Variants in CCDC88A observed in about 807,000 individuals in gnomAD.
CCDC88A encodes girdin.
CCDC88A carries 54 observed loss-of-function variants against 234.3 expected under a neutral mutation model. The observed-to-expected ratio is 0.23, with a 90% CI of 0.19 to 0.29. The LOEUF (loss-of-function observed/expected upper bound fraction) is 0.29, where lower values mean the gene tolerates loss of function less well. CCDC88A is among the 10% of genes least tolerant of loss of function. The pLI, the probability that CCDC88A is intolerant of heterozygous loss-of-function variation, is 1.00. For synonymous variants in CCDC88A, 753 were observed against 737.8 expected, an observed-to-expected ratio of 1.02 and a Z score of -0.33; for missense variants, 1,832 against 2,123.4, an observed-to-expected ratio of 0.86 and a Z score of 2.70.
chr2:55,354,340 A>G (rs1458089184), intron 8 of CCDC88A, among the ~76,000 whole-genome samples: 1 of 152,082 alleles, frequency 6.6e-6, no homozygotes, highest in East Asian at 1.9e-4. Flanking sequence ...CATGTTGGCC[A>G]GGCTGGTCTT....
intron 31 of CCDC88A, chr2:55,295,181 A>T: frequency 7.6e-7 from 1 of 1,311,334 alleles, no homozygotes; most frequent in Non-Finnish European, 1.0e-6. Flanking sequence ...TATTTATAGA[A>T]AACTGTAGGT....
chr2:55,380,651 T>C (rs1674440940), intron 3 of CCDC88A, among the ~76,000 whole-genome samples: 1 of 152,214 alleles, frequency 6.6e-6, no homozygotes, highest in South Asian at 2.1e-4. Flanking sequence ...AGTCTTGCTC[T>C]GTCACCCAGG....
chr2:55,389,997 C>A (rs1361427458), intron 2 of CCDC88A, among the ~76,000 whole-genome samples: 5 of 128,528 alleles, frequency 3.9e-5, no homozygotes, highest in African/African-American at 1.5e-4. Context: ...GCCAGGATCG[C>A]ACCACTGCAC....
At chr2:55,352,216 G>A (rs1196571428) in intron 8 of CCDC88A, among the ~76,000 whole-genome samples, 1 of 151,974 alleles carries the variant, frequency 6.6e-6, no homozygotes, top group Non-Finnish European at 1.5e-5. Flanking sequence ...TGGATCAGAA[G>A]GTCGGGAGCT....
At chr2:55,333,475 T>C (rs1056642138) in intron 15 of CCDC88A, among the ~76,000 whole-genome samples, 2 of 152,168 alleles carry the variant, frequency 1.3e-5, no homozygotes, top group Non-Finnish European at 2.9e-5. Flanking sequence ...ATTCTCTGGC[T>C]TTGAGGTCAA....
chr2:55,360,214 G>A (rs1198960501), intron 7 of CCDC88A, among the ~76,000 whole-genome samples: 7 of 152,200 alleles, frequency 4.6e-5, no homozygotes, highest in South Asian at 2.1e-4. Context: ...TTAAGAATAC[G>A]AAAGAGAAAT....
intron 31 of CCDC88A, chr2:55,292,547 A>T (rs1299524774): frequency 6.6e-6 from 1 of 152,220 alleles, no homozygotes; most frequent in Admixed American, 6.5e-5. Flanking sequence ...TTTCACCACT[A>T]AAAATTTGAT....
At chr2:55,318,519 A>T (rs1307210031) in intron 19 of CCDC88A, among the ~76,000 whole-genome samples, 1 of 152,176 alleles carries the variant, frequency 6.6e-6, no homozygotes, top group Non-Finnish European at 1.5e-5. Flanking sequence ...TGACAAAAAA[A>T]AGCTATACAA....
At chr2:55,361,134 AT>A (rs1218859621) in intron 7 of CCDC88A, among the ~76,000 whole-genome samples, 3 of 152,154 alleles carry the variant, frequency 2.0e-5, no homozygotes, top group African/African-American at 7.2e-5. Flanking sequence ...AAACCAAAGT[AT>A]AGATTTTTAG....
intron 2 of CCDC88A, among the ~76,000 whole-genome samples, chr2:55,410,186 T>C (rs562455836): frequency 2.2e-4 from 33 of 152,312 alleles, no homozygotes; most frequent in African/African-American, 7.2e-4. Context: ...GTGTACACCC[T>C]TGGGCCAAGG....
rs1167023696 is a variant in CCDC88A, at chr2:55,287,948, TTAAAAA to T, written c.*3246_*3251del. 5 of 152,776 alleles carry T rather than the reference TTAAAAA, an allele frequency of 3.3e-5. No homozygotes were observed. In the East Asian group the frequency reaches 9.6e-4, roughly 29 times the overall value. The allele number at this position is 152,776 out of a possible 1,614,324, so 9.5% of individuals were successfully genotyped here. The stretch of plus-strand genomic sequence containing the variant: ...GGAGAAACAAAATGAAAAATGTTTT[TTAAAAA>T]ACAAACAGTGGTATCTCTTGTCATG... On this transcript the variant is annotated 3_prime_UTR_variant, in exon 33 of 33. Coordinates refer to ENST00000436346, the MANE Select transcript of CCDC88A (RefSeq NM_001365480.1).
intron 2 of CCDC88A, among the ~76,000 whole-genome samples, chr2:55,400,394 T>A (rs1202130775): frequency 6.6e-6 from 1 of 152,182 alleles, no homozygotes; most frequent in African/African-American, 2.4e-5. Flanking sequence ...ACTAAAAAAA[T>A]GCTTTAGTGA....
At chr2:55,371,511 G>C (rs528510464) in intron 5 of CCDC88A, among the ~76,000 whole-genome samples, 12 of 152,118 alleles carry the variant, frequency 7.9e-5, no homozygotes, top group Non-Finnish European at 1.5e-4. Flanking sequence ...GAAAAACATA[G>C]TATAATAGAT....
At chr2:55,390,782 A>C (rs1343503970) in intron 2 of CCDC88A, among the ~76,000 whole-genome samples, 1 of 152,218 alleles carries the variant, frequency 6.6e-6, no homozygotes, top group Non-Finnish European at 1.5e-5. Flanking sequence ...AGAAAAGAAT[A>C]CCAAAGAAAA....
At chr2:55,296,221 G>T in intron 30 of CCDC88A, 37 bp downstream of exon 30, 1 of 1,563,704 alleles carries the variant, frequency 6.4e-7, no homozygotes, top group Non-Finnish European at 8.7e-7. Context: ...AACTTGTGGT[G>T]TTCATCTAAA....
intron 6 of CCDC88A, among the ~76,000 whole-genome samples, 200 bp from the exon 7 acceptor site, chr2:55,362,648 G>T (rs1027286974): frequency 5.3e-5 from 8 of 151,752 alleles, no homozygotes; most frequent in Non-Finnish European, 1.2e-4. Context: ...AACCTTAAAT[G>T]AATTAATATT....
intron 2 of CCDC88A, among the ~76,000 whole-genome samples, 176 bp from the exon 3 acceptor site, chr2:55,389,062 T>C (rs1676166463): frequency 6.6e-6 from 1 of 152,202 alleles, no homozygotes; most frequent in Admixed American, 6.6e-5. Context: ...GTGCTTCTAA[T>C]TAATACAAAT....
chr2:55,328,354 T>C lies in CCDC88A; in HGVS notation c.2937A>G (p.Leu979=). Residue 979 remains leucine, a synonymous_variant, in exon 17 of 33, where the codon TTA becomes TTG. Coordinates refer to ENST00000436346, the MANE Select transcript of CCDC88A (RefSeq NM_001365480.1). The surrounding 1 kb of genome is among the most constrained non-coding windows in gnomAD (Gnocchi z 4.3). ...LEIKEEKIAA[L]EARLEESTNY... Reference sequence around the variant, plus strand: ...TCGTGGATTCTTCTAATCGAGCTTCTAAAGCAGCAATTTTTTCTTCTTTTA... The same window carrying C: ...TCGTGGATTCTTCTAATCGAGCTTCCAAAGCAGCAATTTTTTCTTCTTTTA... 1 of 1,601,876 alleles carries C rather than the reference T, an allele frequency of 6.2e-7. No homozygotes were observed. Among genetic ancestry groups the C allele is most frequent in the Non-Finnish European group, 8.5e-7 (1 of 1,174,816 alleles).
chr2:55,386,935 G>A (rs1400575483), intron 3 of CCDC88A, among the ~76,000 whole-genome samples: 1 of 151,588 alleles, frequency 6.6e-6, no homozygotes, highest in Admixed American at 6.6e-5. Context: ...AGCATTTTGG[G>A]AGGCCGAGGC....
Sources: gnomAD v4.1 joint callset for allele counts (sites outside exome capture counted in the v4.1 genomes callset) on GRCh38, gnomAD v4.1.1 for gene constraint, Gnocchi (gnomAD v3.1) non-coding constraint, MANE v1.5 for transcripts, NCBI Gene and HGNC (gene_info 2026-07-23, HGNC 2026-07-21) for gene names.